KIZ: variants seen among roughly 807,000 people sequenced by gnomAD.
The protein encoded by KIZ is centrosomal protein kizuna.
KIZ carries 68 observed loss-of-function variants against 79.6 expected under a neutral mutation model. The ratio of observed to expected loss-of-function variants is 0.85; its 90% CI spans 0.70 to 1.05. The LOEUF (loss-of-function observed/expected upper bound fraction) is 1.05, where lower values mean the gene tolerates loss of function less well. KIZ is among the 50% of genes least tolerant of loss of function. The pLI is 0.00. For missense variants in KIZ, 797 were observed against 800.4 expected, an observed-to-expected ratio of 1.00 and a Z score of 0.05; for synonymous variants, 280 against 281.8, an observed-to-expected ratio of 0.99 and a Z score of 0.06.
chr20:21,207,237 A>C (rs1481722414), intron 7 of KIZ, among the ~76,000 whole-genome samples: 2 of 152,118 alleles, frequency 1.3e-5, no homozygotes, highest in African/African-American at 4.8e-5. Context: ...TTGCCCCTCC[A>C]GCCTTCCAGA....
At position 21,126,086 on chromosome 20, in the gene KIZ, G is replaced by A. The variant is rs1245113665; in HGVS notation, c.-30G>A. The A allele has an allele frequency of 2.0e-6, 3 of 1,499,274 alleles. No homozygotes were observed. Among genetic ancestry groups the A allele is most frequent in the Non-Finnish European group, 2.7e-6 (3 of 1,126,056 alleles). 92.9% of individuals were successfully genotyped at this position (1,499,274 alleles called of 1,614,324 possible). A position where few individuals can be genotyped will look rare whatever the true frequency, so the allele number is the denominator to read the frequency against. On this transcript the variant is annotated 5_prime_UTR_variant, in exon 1 of 13. Transcript: ENST00000619189. Reference sequence around the variant, plus strand: ...ACCCCGGCCGAACGGCCACCCAGAGGCTGTGCTGAGCTGGCGCAGCGGCAG... The same window carrying A: ...ACCCCGGCCGAACGGCCACCCAGAGACTGTGCTGAGCTGGCGCAGCGGCAG...
intron 6 of KIZ, among the ~76,000 whole-genome samples, chr20:21,190,511 T>C (rs1003845230): frequency 2.0e-5 from 3 of 152,238 alleles, no homozygotes; most frequent in Non-Finnish European, 4.4e-5. Context: ...ATTTCTCTTA[T>C]TGATGAAGGT....
chr20:21,191,487 A>G (rs77788300), intron 6 of KIZ, among the ~76,000 whole-genome samples: 2,219 of 152,376 alleles, frequency 0.015, 48 homozygotes, highest in African/African-American at 0.05. Flanking sequence ...CAGGCCAGCC[A>G]TTCCTGGGGA....
intron 6 of KIZ, among the ~76,000 whole-genome samples, chr20:21,167,688 A>C (rs2034010303): frequency 6.6e-6 from 1 of 151,150 alleles, no homozygotes; most frequent in African/African-American, 2.4e-5. Flanking sequence ...CAGTCTCCCA[A>C]GTAGCTGGGA....
intron 6 of KIZ, among the ~76,000 whole-genome samples, chr20:21,176,261 G>T (rs1380300789): frequency 1.3e-5 from 2 of 152,148 alleles, no homozygotes; most frequent in Non-Finnish European, 2.9e-5. Flanking sequence ...AGTGAGCCAA[G>T]ATCGCACCAC....
intron 6 of KIZ, among the ~76,000 whole-genome samples, chr20:21,182,836 T>TTTTAGACTTC (rs1369868247): frequency 6.6e-6 from 1 of 151,244 alleles, no homozygotes; most frequent in Non-Finnish European, 1.5e-5. Flanking sequence ...ATAGTAAATA[T>TTTTAGACTTC]TTTAGACTTC....
At chr20:21,181,320 G>A (rs930251978) in intron 6 of KIZ, among the ~76,000 whole-genome samples, 7 of 152,202 alleles carry the variant, frequency 4.6e-5, no homozygotes, top group African/African-American at 1.7e-4. Flanking sequence ...AATGGCAAGG[G>A]TTCTATTGTT....
chr20:21,131,351 A>G (rs928321192), intron 1 of KIZ, among the ~76,000 whole-genome samples: 1 of 152,226 alleles, frequency 6.6e-6, no homozygotes, highest in Non-Finnish European at 1.5e-5. Context: ...ACCTGTGACA[A>G]ATAATGACAC....
At chr20:21,202,628 GACTT>G (rs2035644263) in intron 6 of KIZ, among the ~76,000 whole-genome samples, 1 of 152,152 alleles carries the variant, frequency 6.6e-6, no homozygotes, top group African/African-American at 2.4e-5. Context: ...ACTGTACCTA[GACTT>G]ACTTTCTTTT....
intron 6 of KIZ, among the ~76,000 whole-genome samples, chr20:21,190,948 A>C (rs1207117213): frequency 6.6e-6 from 1 of 152,192 alleles, no homozygotes; most frequent in Non-Finnish European, 1.5e-5. Context: ...GGCCTGAGTG[A>C]ATTCTAATTG....
intron 2 of KIZ, among the ~76,000 whole-genome samples, chr20:21,135,367 C>G (rs2032128173): frequency 1.3e-5 from 2 of 152,126 alleles, no homozygotes; most frequent in Non-Finnish European, 2.9e-5. Context: ...TTACTTGCGT[C>G]AAAAATGCAG....
chr20:21,191,505 CACAGCAAAGGCTT>C (rs2035104052), intron 6 of KIZ, among the ~76,000 whole-genome samples: 1 of 152,230 alleles, frequency 6.6e-6, no homozygotes. Flanking sequence ...GGAGGTGAGC[CACAGCAAAGGCTT>C]TGGTATTCCA....
intron 9 of KIZ, among the ~76,000 whole-genome samples, chr20:21,223,665 CTTTTTTTT>C (rs1053285543): frequency 7.0e-4 from 88 of 126,154 alleles, no homozygotes; most frequent in African/African-American, 2.6e-3. Context: ...CTCTCTCTCT[CTTTTTTTT>C]TTTTTTTTTT....
chr20:21,128,320 T>C (rs2031614849), intron 1 of KIZ, among the ~76,000 whole-genome samples: 1 of 152,128 alleles, frequency 6.6e-6, no homozygotes, highest in African/African-American at 2.4e-5. Flanking sequence ...GCCTTGGTTG[T>C]ACCTTTTTAA....
intron 4 of KIZ, chr20:21,151,854 C>A (rs995912381): frequency 2.0e-5 from 3 of 152,154 alleles, no homozygotes; most frequent in African/African-American, 7.2e-5. Context: ...TTGTTCAAAA[C>A]GGCAAAAATA....
intron 6 of KIZ, among the ~76,000 whole-genome samples, chr20:21,193,468 C>A (rs1305763451): frequency 2.0e-5 from 3 of 151,896 alleles, no homozygotes; most frequent in Non-Finnish European, 4.4e-5. Flanking sequence ...GGATCTAGAT[C>A]TAGAAATACC....
intron 6 of KIZ, among the ~76,000 whole-genome samples, chr20:21,190,708 A>C (rs971544296): frequency 1.3e-5 from 2 of 152,210 alleles, no homozygotes; most frequent in African/African-American, 4.8e-5. Flanking sequence ...GGGTCTTAGG[A>C]GGATTTTAAA....
At chr20:21,158,758 C>G (rs1274828753) in intron 4 of KIZ, 2 of 152,070 alleles carry the variant, frequency 1.3e-5, no homozygotes, top group East Asian at 3.9e-4. Context: ...CTTCCTGCTT[C>G]TCCTCCCTCT....
intron 1 of KIZ, among the ~76,000 whole-genome samples, chr20:21,127,753 C>T (rs1406816064): frequency 6.6e-6 from 1 of 152,136 alleles, no homozygotes; most frequent in Non-Finnish European, 1.5e-5. Context: ...AATATCAAAA[C>T]CTGGATTCTA....
Sources: allele counts gnomAD v4.1 joint callset (sites outside exome capture counted in the v4.1 genomes callset), GRCh38; gene constraint gnomAD v4.1.1; transcripts MANE v1.5; gene names NCBI Gene and HGNC (gene_info 2026-07-23, HGNC 2026-07-21).